MPP7: variants seen among roughly 807,000 people sequenced by gnomAD.
MPP7 encodes the protein MAGUK p55 scaffold protein 7, also known as MAGUK p55 subfamily member 7.
MPP7 carries 60 observed loss-of-function variants against 76.5 expected under a neutral mutation model. That is an observed-to-expected ratio of 0.78 (90% CI 0.64 to 0.97). The LOEUF (loss-of-function observed/expected upper bound fraction) is 0.97, where lower values mean the gene tolerates loss of function less well. Ranked by LOEUF, MPP7 falls within the 50% of genes least tolerant of loss-of-function variation. MPP7 has a pLI of 0.00. For synonymous variants in MPP7, 237 were observed against 244.5 expected (o/e 0.97, Z 0.29); for missense variants, 641 against 694.0 (o/e 0.92, Z 0.86).
intron 12 of MPP7, among the ~76,000 whole-genome samples, chr10:28,084,301 G>A (rs1852903077): frequency 6.6e-6 from 1 of 152,106 alleles, no homozygotes; most frequent in South Asian, 2.1e-4. Flanking sequence ...ACCAAAGAAG[G>A]CAATGGCAAC....
rs376314253 is a variant in MPP7, at chr10:28,068,391, C to T, written c.1204+1381G>A. On this transcript the variant is annotated intron_variant, in intron 13 of 16. Coordinates refer to ENST00000683449, the MANE Select transcript of MPP7 (RefSeq NM_001318170.2). ...GAACTCTTCCAAAACTAGAGAACAT[C>T]GCTAAGGGCAATATACAAGTAAATT... Among the ~76,000 whole-genome samples, 7 of 152,030 alleles carry T rather than the reference C, an allele frequency of 4.6e-5. No homozygotes were observed. The East Asian group carries it at 1.4e-3, about 29-fold the overall frequency.
chr10:28,222,877 G>A (rs1295479110), intron 2 of MPP7, among the ~76,000 whole-genome samples: 1 of 147,322 alleles, frequency 6.8e-6, no homozygotes, highest in Non-Finnish European at 1.5e-5. Flanking sequence ...CTAGTGATTT[G>A]GCTAATTTTA....
At chr10:28,223,747 T>C (rs993847421) in intron 2 of MPP7, among the ~76,000 whole-genome samples, 1 of 152,050 alleles carries the variant, frequency 6.6e-6, no homozygotes, top group African/African-American at 2.4e-5. Flanking sequence ...TCAAGTGTTA[T>C]AAGGCTACAA....
chr10:28,147,044 A>G (rs1262802574), intron 5 of MPP7, among the ~76,000 whole-genome samples: 1 of 152,194 alleles, frequency 6.6e-6, no homozygotes, highest in Non-Finnish European at 1.5e-5. Context: ...ATTTTGAAAC[A>G]TAAATTAGTA....
chr10:28,302,716 G>A (rs1251892413), intron 1 of MPP7, among the ~76,000 whole-genome samples, 145 bp downstream of exon 1: 1 of 152,028 alleles, frequency 6.6e-6, no homozygotes, highest in Non-Finnish European at 1.5e-5. Context: ...CCAGGCTGAG[G>A]CGCCTAGAGG....
At chr10:28,202,313 A>G in intron 2 of MPP7, 42 bp from the exon 3 acceptor site, 1 of 1,413,486 alleles carries the variant, frequency 7.1e-7, no homozygotes, top group Non-Finnish European at 9.9e-7. Flanking sequence ...TCTTAGAGTG[A>G]TCTCATTAAT....
chr10:28,276,588 T>C (rs960024601), intron 1 of MPP7, among the ~76,000 whole-genome samples: 3 of 152,016 alleles, frequency 2.0e-5, no homozygotes, highest in African/African-American at 7.3e-5. Flanking sequence ...CAATAGAATG[T>C]AAACAAAACA....
chr10:28,105,922 C>T (rs369014123), intron 11 of MPP7, among the ~76,000 whole-genome samples: 3 of 152,128 alleles, frequency 2.0e-5, no homozygotes, highest in Non-Finnish European at 2.9e-5. Flanking sequence ...GTAGGTCTAA[C>T]AAAAAATATG....
rs896028816 is a variant in MPP7, at chr10:28,230,667, A to T, written c.37+7901T>A. The stretch of plus-strand genomic sequence containing the variant: ...CATCTCTACAAAAAAAATACAAAAA[A>T]TTAGCTGGCATGATGGTGCATGCCT... On this transcript the variant is annotated intron_variant, in intron 2 of 16. Coordinates refer to ENST00000683449, the MANE Select transcript of MPP7 (RefSeq NM_001318170.2). Among the ~76,000 whole-genome samples the T allele has an allele frequency of 3.3e-4, 50 of 152,168 alleles. 1 individual carries two copies. The highest frequency in any genetic ancestry group is 9.9e-4 in the African/African-American group (41 of 41,532).
intron 3 of MPP7, among the ~76,000 whole-genome samples, chr10:28,170,225 G>A (rs75416361): frequency 6.6e-6 from 1 of 151,894 alleles, no homozygotes; most frequent in Non-Finnish European, 1.5e-5. Flanking sequence ...TATATGTTCT[G>A]TTTTGGGTAT....
In MPP7 at chr10:28,262,226, C is replaced by CAT. The variant is rs57848111; in HGVS notation, c.-131-23493_-131-23492dup. 3.8e-4 allele frequency among the ~76,000 whole-genome samples: 16 copies of CAT among 42,636 alleles called. 2 individuals carry two copies. Among genetic ancestry groups the CAT allele is most frequent in the East Asian group, 1.8e-3 (2 of 1,126 alleles). 28.0% of individuals were successfully genotyped at this position (42,636 alleles called of 152,430 possible). ...ATATATACATATATATATATATATA[C>CAT]ATATATATATATATATACATATATA... On this transcript the variant is annotated intron_variant, in intron 1 of 16. Coordinates refer to ENST00000683449, the MANE Select transcript of MPP7 (RefSeq NM_001318170.2).
intron 11 of MPP7, among the ~76,000 whole-genome samples, chr10:28,105,844 G>C (rs1422938718): frequency 2.0e-5 from 3 of 152,054 alleles, no homozygotes; most frequent in Non-Finnish European, 4.4e-5. Flanking sequence ...GGAAATGAAG[G>C]CCTATTTTGC....
upstream of MPP7, among the ~76,000 whole-genome samples, chr10:28,306,657 T>TGATA (rs375668043): frequency 3.6e-4 from 11 of 30,492 alleles, no homozygotes; most frequent in African/African-American, 6.0e-4. Context: ...CTAAAATAGA[T>TGATA]GATAGATAGA....
At chr10:28,286,079 T>A (rs11006983) in intron 1 of MPP7, among the ~76,000 whole-genome samples, 21,864 of 152,146 alleles carry the variant, frequency 0.14, 2,147 homozygotes, top group East Asian at 0.46. Flanking sequence ...GGATGGTGGC[T>A]CATGCCTGTA....
At chr10:28,099,939 A>G (rs1853745326) in intron 11 of MPP7, among the ~76,000 whole-genome samples, 1 of 152,008 alleles carries the variant, frequency 6.6e-6, no homozygotes, top group South Asian at 2.1e-4. Flanking sequence ...TTTTTTTCTC[A>G]CCTTAAAATT....
At chr10:28,129,187 C>A (rs756905214) in intron 6 of MPP7, among the ~76,000 whole-genome samples, 2 of 152,070 alleles carry the variant, frequency 1.3e-5, no homozygotes, top group Non-Finnish European at 2.9e-5. Flanking sequence ...AAGATCAAAT[C>A]TCAAAAACAC....
intron 1 of MPP7, among the ~76,000 whole-genome samples, chr10:28,273,812 G>A (rs970728511): frequency 3.1e-4 from 47 of 152,172 alleles, no homozygotes; most frequent in African/African-American, 9.9e-4. Context: ...AATCAAAGCT[G>A]CATGTATCTC....
At chr10:28,136,995 C>G (rs1835372537) in intron 5 of MPP7, among the ~76,000 whole-genome samples, 1 of 152,032 alleles carries the variant, frequency 6.6e-6, no homozygotes, top group African/African-American at 2.4e-5. Flanking sequence ...CCCACATGTT[C>G]AAGAAGCTCA....
chr10:28,153,218 C>T (rs1564661932), intron 3 of MPP7, among the ~76,000 whole-genome samples: 1 of 152,128 alleles, frequency 6.6e-6, no homozygotes, highest in Non-Finnish European at 1.5e-5. Context: ...CTCACCACTG[C>T]ACTCCAGCCT....
Sources: allele counts gnomAD v4.1 joint callset (sites outside exome capture counted in the v4.1 genomes callset), GRCh38; gene constraint gnomAD v4.1.1; transcripts MANE v1.5; gene names NCBI Gene and HGNC (gene_info 2026-07-23, HGNC 2026-07-21).